The following ZNF813 variants were observed in gnomAD, a reference collection of about 807,000 sequenced individuals.
ZNF813 encodes zinc finger protein 813.
Under a neutral mutation model 7.2 loss-of-function variants are expected in ZNF813, and 3 were observed. The ratio of observed to expected loss-of-function variants is 0.42; its 90% CI spans 0.19 to 1.08. The LOEUF is 1.08. Ranked by LOEUF, ZNF813 falls within the 50% of genes least tolerant of loss-of-function variation. The pLI is 0.30. For synonymous variants in ZNF813, 227 were observed against 256.3 expected (o/e 0.89, Z 1.09); for missense variants, 714 against 753.3 (o/e 0.95, Z 0.61).
Position 53,480,199 on chromosome 19 carries a change from G to A in ZNF813, c.-73-3551G>A, listed in dbSNP as rs775824899. ...CCTGAGGGCTGATCTTCAATTGGAA[G>A]GCTGCTTTCTCCTCTCACCACCCCC... On this transcript the variant is annotated intron_variant, in intron 1 of 3. Coordinates refer to ENST00000396403, the MANE Select transcript of ZNF813 (RefSeq NM_001004301.4). The A allele has an allele frequency of 6.6e-5, 50 of 757,072 alleles. No individual in the cohort carries two copies. In the African/African-American group the frequency reaches 7.5e-4, roughly 11 times the overall value. The allele number at this position is 757,072 out of a possible 1,614,324, so 46.9% of individuals were successfully genotyped here. A position where few individuals can be genotyped will look rare whatever the true frequency, so the allele number is the denominator to read the frequency against.
intron 2 of ZNF813, among the ~76,000 whole-genome samples, chr19:53,485,140 T>C (rs2086426122): frequency 6.6e-6 from 1 of 152,164 alleles, no homozygotes; most frequent in Non-Finnish European, 1.5e-5. Flanking sequence ...AAAAATACTT[T>C]TTTGCAAAAA....
rs1441252566 is a variant in ZNF813 at position 53,492,783 on chromosome 19, C to A, written c.*697C>A. On this transcript the variant is annotated 3_prime_UTR_variant, in exon 4 of 4. Transcript: ENST00000396403. ...TTCATTGGCGAACTCATACTGGAGA[C>A]AAACCTTATAAATGTCATGATTGAG... 4 of 549,118 alleles carry A rather than the reference C, an allele frequency of 7.3e-6. No individual in the cohort carries two copies. Among genetic ancestry groups the A allele is most frequent in the Non-Finnish European group, 6.7e-6 (2 of 296,882 alleles). 34.0% of individuals were successfully genotyped at this position (549,118 alleles called of 1,614,324 possible). A position where few individuals can be genotyped will look rare whatever the true frequency, so the allele number is the denominator to read the frequency against.
At position 53,488,269 on chromosome 19, in the gene ZNF813, A is replaced by C. The variant is rs1412392368; in HGVS notation, c.142+1511A>C. On this transcript the variant is annotated intron_variant, in intron 3 of 3. Coordinates refer to ENST00000396403, the MANE Select transcript of ZNF813 (RefSeq NM_001004301.4). Reference sequence around the variant, plus strand: ...AACTCCTGCCCTCAGGTGATCCATCAACCTCAGCCTCCGAAACTGCTGCGA... The same window carrying C: ...AACTCCTGCCCTCAGGTGATCCATCCACCTCAGCCTCCGAAACTGCTGCGA... The C allele has an allele frequency of 8.8e-6, 4 of 455,254 alleles. No individual in the cohort carries two copies. The East Asian group carries it at 2.8e-4, about 32-fold the overall frequency. The allele number at this position is 455,254 out of a possible 1,614,324, so 28.2% of individuals were successfully genotyped here. A position where few individuals can be genotyped will look rare whatever the true frequency, so the allele number is the denominator to read the frequency against.
At chr19:53,471,857 CAGTTAG>C (rs71189807) in intron 1 of ZNF813, among the ~76,000 whole-genome samples, 30,304 of 149,624 alleles carry the variant, frequency 0.2, 3,151 homozygotes, top group South Asian at 0.23. Flanking sequence ...GGGGAAGAGT[CAGTTAG>C]AGTTAAATTA....
chr19:53,473,835 C>T (rs905278795), intron 1 of ZNF813, among the ~76,000 whole-genome samples: 8 of 152,152 alleles, frequency 5.3e-5, no homozygotes, highest in Admixed American at 5.2e-4. Context: ...TGAACGAACT[C>T]TCATAAGGTG....
rs764300547 is a variant in ZNF813, at chr19:53,491,264, C to G, written c.1032C>G (p.Cys344Trp). 3.1e-6 allele frequency: 5 copies of G among 1,613,862 alleles called. No homozygotes were observed. The African/African-American group carries it at 5.3e-5, about 17-fold the overall frequency. Residue 344 changes from cysteine (C) to tryptophan (W), a missense_variant, in exon 4 of 4, where the codon TGC becomes TGG. Transcript: ENST00000396403. ...TTAGTCAGACGTCATCCCTTACATG[C>G]CATCGTAGACTTCATACTGGAGAGA... ...KTFSQTSSLT[C>W]HRRLHTGEKP...
At position 53,494,095 on chromosome 19, in the gene ZNF813, C is replaced by A. The variant is rs1028312232; in HGVS notation, c.*2009C>A. 6.6e-6 allele frequency: 1 copy of A among 152,168 alleles called. No individual in the cohort carries two copies. The highest frequency in any genetic ancestry group is 2.4e-5 in the African/African-American group (1 of 41,448). The allele number at this position is 152,168 out of a possible 1,614,324, so 9.4% of individuals were successfully genotyped here. On this transcript the variant is annotated 3_prime_UTR_variant, in exon 4 of 4. Coordinates refer to ENST00000396403, the MANE Select transcript of ZNF813 (RefSeq NM_001004301.4). ...TGGCATATCACATTGATTTGCTTGA[C>A]TATGTTGAACCATCCTTGCATCCCA...
chr19:53,486,623 T>C lies in ZNF813; in HGVS notation c.16-9T>C. The stretch of plus-strand genomic sequence containing the variant: ...ATAACAATTTCCTTAAAATGTGTTT[T>C]CATTTCAGGGTCTATTGACATTCAG... On this transcript the variant is annotated splice_polypyrimidine_tract_variant and intron_variant, in intron 2 of 3. Coordinates refer to ENST00000396403, the MANE Select transcript of ZNF813 (RefSeq NM_001004301.4). 1 of 1,614,088 alleles carries C rather than the reference T, an allele frequency of 6.2e-7. No individual in the cohort carries two copies. Among genetic ancestry groups the C allele is most frequent in the East Asian group, 2.2e-5 (1 of 44,884 alleles).
rs1433363716 is a variant in ZNF813, at chr19:53,492,885, A to C, written c.*799A>C. On this transcript the variant is annotated 3_prime_UTR_variant, in exon 4 of 4. Coordinates refer to ENST00000396403, the MANE Select transcript of ZNF813 (RefSeq NM_001004301.4). ...CAGGAGAGAAACCTCACGTGTGATG[A>C]TTGTGGCAAAGCCTTTACTTCACGT... 2.1e-6 allele frequency: 1 copy of C among 486,404 alleles called. No individual in the cohort carries two copies. The highest frequency in any genetic ancestry group is 4.2e-6 in the Non-Finnish European group (1 of 237,516). The allele number at this position is 486,404 out of a possible 1,614,324, so 30.1% of individuals were successfully genotyped here. A position where few individuals can be genotyped will look rare whatever the true frequency, so the allele number is the denominator to read the frequency against.
intron 1 of ZNF813, among the ~76,000 whole-genome samples, chr19:53,482,811 G>A (rs77224831): frequency 0.11 from 15,224 of 138,940 alleles, 1,021 homozygotes; most frequent in East Asian, 0.26. Flanking sequence ...TGCAACCTCT[G>A]TTTCCTGGGT....
At chr19:53,482,228 C>CA (rs1461265891) in intron 1 of ZNF813, among the ~76,000 whole-genome samples, 1 of 152,188 alleles carries the variant, frequency 6.6e-6, no homozygotes, top group Non-Finnish European at 1.5e-5. Context: ...ATGGAAGAAA[C>CA]AGAGTTGTAG....
At chr19:53,470,982 G>A (rs77861713) in intron 1 of ZNF813, among the ~76,000 whole-genome samples, 1 of 152,116 alleles carries the variant, frequency 6.6e-6, no homozygotes, top group Non-Finnish European at 1.5e-5. Context: ...TGTAAATTGG[G>A]GTGCGGTACC....
At chr19:53,470,167 T>TCCTTCCTTCCTTCCTTCC (rs2086350880) in intron 1 of ZNF813, among the ~76,000 whole-genome samples, 1 of 95,642 alleles carries the variant, frequency 1.0e-5, no homozygotes, top group Non-Finnish European at 2.1e-5. Context: ...CTTTTTCTTT[T>TCCTTCCTTCCTTCCTTCC]CTTTTCTTTC....
At position 53,490,662 on chromosome 19, in the gene ZNF813, T is replaced by C; in HGVS notation, c.430T>C (p.Phe144Leu). 6.2e-7 allele frequency: 1 copy of C among 1,614,176 alleles called. No homozygotes were observed. The highest frequency in any genetic ancestry group is 1.3e-5 in the African/African-American group (1 of 75,048). The part of the protein sequence containing the change: ...KPIKDQLGSS[F>L]HSHLPELHMF... Reference sequence around the variant, plus strand: ...TATTAAAGATCAGCTTGGATCAAGCTTTCATTCGCATCTGCCTGAACTCCA... The same window carrying C: ...TATTAAAGATCAGCTTGGATCAAGCCTTCATTCGCATCTGCCTGAACTCCA... Residue 144 changes from phenylalanine (F) to leucine (L), a missense_variant, in exon 4 of 4, where the codon TTT becomes CTT. Phe to Leu is a conservative substitution (Grantham distance 22, BLOSUM62 0). This residue lies in a region of ZNF813 where 563 missense variants were observed against 554.2 expected (regional missense o/e 1.02). Coordinates refer to ENST00000396403, the MANE Select transcript of ZNF813 (RefSeq NM_001004301.4).
intron 1 of ZNF813, among the ~76,000 whole-genome samples, chr19:53,482,451 T>C (rs143884905): frequency 0.012 from 1,841 of 152,298 alleles, 21 homozygotes; most frequent in Non-Finnish European, 0.014. Context: ...GCCCTCATCT[T>C]ATGACTCCCT....
Position 53,490,606 on chromosome 19 carries a change from G to T in ZNF813, c.374G>T (p.Arg125Leu), listed in dbSNP as rs373328437. The part of the protein sequence containing the change: ...EIKKLTGSAD[R>L]YDQRHAGNKP... ...AAAAAGTTGACTGGTAGTGCAGACC[G>T]ATATGATCAAAGGCATGCTGGAAAC... Residue 125 changes from arginine to leucine, a missense_variant, in exon 4 of 4, where the codon CGA (arginine) becomes CTA (leucine). Physicochemically the swap from Arg to Leu is moderately radical, Grantham distance 102 (BLOSUM62 -2). This residue lies in a region of ZNF813 where 563 missense variants were observed against 554.2 expected (regional missense o/e 1.02). Coordinates refer to ENST00000396403, the MANE Select transcript of ZNF813 (RefSeq NM_001004301.4). 33 of 1,614,168 alleles carry T rather than the reference G, an allele frequency of 2.0e-5. No homozygotes were observed. The highest frequency in any genetic ancestry group is 2.7e-5 in the Non-Finnish European group (32 of 1,180,036).
At chr19:53,476,424 T>C (rs1057488501) in intron 1 of ZNF813, among the ~76,000 whole-genome samples, 5 of 150,914 alleles carry the variant, frequency 3.3e-5, no homozygotes, top group Admixed American at 6.6e-5. Context: ...AGGTCAGGAG[T>C]CCAAGACCAG....
At chr19:53,472,330 T>C (rs1408407683) in intron 1 of ZNF813, among the ~76,000 whole-genome samples, 2 of 152,174 alleles carry the variant, frequency 1.3e-5, no homozygotes, top group African/African-American at 4.8e-5. Flanking sequence ...CAAGGTGGCA[T>C]GCATACATAT....
chr19:53,490,670 G>C lies in ZNF813; in HGVS notation c.438G>C (p.Ser146=). The C allele has an allele frequency of 6.2e-7, 1 of 1,614,110 alleles. No homozygotes were observed. The highest frequency in any genetic ancestry group is 8.5e-7 in the Non-Finnish European group (1 of 1,180,008). The change falls in exon 4 of 4, where the codon TCG becomes TCC. Residue 146 remains serine (S), a synonymous_variant. Coordinates refer to ENST00000396403, the MANE Select transcript of ZNF813 (RefSeq NM_001004301.4). ...ATCAGCTTGGATCAAGCTTTCATTC[G>C]CATCTGCCTGAACTCCACATGTTTC... ...IKDQLGSSFH[S]HLPELHMFQT...
Sources: allele counts gnomAD v4.1 joint callset (sites outside exome capture counted in the v4.1 genomes callset), GRCh38; gene constraint gnomAD v4.1.1; regional missense constraint gnomAD v4.1.1; transcripts MANE v1.5; gene names NCBI Gene and HGNC (gene_info 2026-07-23, HGNC 2026-07-21).